The following CCNL1 variants were observed in gnomAD, a reference collection of about 807,000 sequenced individuals.
The protein encoded by CCNL1 is cyclin L1, also known as cyclin-L1.
In CCNL1, 13 loss-of-function variants were observed where a neutral mutation model predicts 60.6. The ratio of observed to expected loss-of-function variants is 0.21; its 90% CI spans 0.14 to 0.34. CCNL1 has a LOEUF of 0.34. Ranked by LOEUF, CCNL1 falls within the 10% of genes least tolerant of loss-of-function variation. CCNL1 has a pLI of 1.00. For synonymous variants in CCNL1, 270 were observed against 244.3 expected (o/e 1.10, Z -0.98); for missense variants, 481 against 664.3 (o/e 0.72, Z 3.03).
Position 157,147,985 on chromosome 3 carries a change from A to G in CCNL1, c.*256T>C. On this transcript the variant is annotated 3_prime_UTR_variant, in exon 11 of 11. Transcript: ENST00000295926. Reference sequence around the variant, plus strand: ...TTCACGCTCCAGTTCTTATAGCAATAAACAATACACAACTATAATAAAGTA... The same window carrying G: ...TTCACGCTCCAGTTCTTATAGCAATGAACAATACACAACTATAATAAAGTA... 8.2e-7 allele frequency: 1 copy of G among 1,217,498 alleles called. No homozygotes were observed. The allele number at this position is 1,217,498 out of a possible 1,614,324, so 75.4% of individuals were successfully genotyped here.
At chr3:157,143,551 A>ATCC (rs1737703519), downstream of CCNL1, among the ~76,000 whole-genome samples, 3 of 152,246 alleles carry the variant, frequency 2.0e-5, no homozygotes, top group Admixed American at 2.0e-4. Flanking sequence ...TAATGAATAA[A>ATCC]CTACAGAGCT....
In CCNL1 at chr3:157,149,400, G is replaced by A. The variant is rs1432016304; in HGVS notation, c.1134-15C>T. The A allele has an allele frequency of 6.2e-7, 1 of 1,611,456 alleles. No individual in the cohort carries two copies. Among genetic ancestry groups the A allele is most frequent in the Non-Finnish European group, 8.5e-7 (1 of 1,177,690 alleles). Reference sequence around the variant, plus strand: ...CTTTTCTTACACTTCAAAAAATCATGACATATTAGTTACAAACTTAGTGTG... The same window carrying A: ...CTTTTCTTACACTTCAAAAAATCATAACATATTAGTTACAAACTTAGTGTG... On this transcript the variant is annotated splice_polypyrimidine_tract_variant and intron_variant, in intron 9 of 10. Coordinates refer to ENST00000295926, the MANE Select transcript of CCNL1 (RefSeq NM_020307.4).
intron 10 of CCNL1, 75 bp from the exon 11 acceptor site, chr3:157,148,664 G>A (rs1047984114): frequency 5.9e-5 from 79 of 1,331,260 alleles, no homozygotes; most frequent in Non-Finnish European, 2.1e-5. Flanking sequence ...GCTCATAACA[G>A]GTTCAAAACA....
intron 5 of CCNL1, 40 bp downstream of exon 5, chr3:157,152,137 G>A: frequency 6.3e-7 from 1 of 1,597,302 alleles, no homozygotes; most frequent in Non-Finnish European, 8.5e-7. Flanking sequence ...TTCTGCTTCT[G>A]TTTTCCTGGC....
downstream of CCNL1, among the ~76,000 whole-genome samples, chr3:157,145,204 G>A (rs1265927792): frequency 6.6e-6 from 1 of 152,022 alleles, no homozygotes; most frequent in Admixed American, 6.6e-5. Flanking sequence ...TGGGAGGCAA[G>A]GCAGGTGGAT....
chr3:157,150,853 A>G (rs1008131783), intron 5 of CCNL1: 2 of 986,562 alleles, frequency 2.0e-6, no homozygotes, highest in Non-Finnish European at 2.4e-6. Flanking sequence ...CATTTTCAGT[A>G]AGTACCAAGT....
At chr3:157,153,438 A>G in intron 3 of CCNL1, 1 of 315,288 alleles carries the variant, frequency 3.2e-6, no homozygotes, top group Non-Finnish European at 6.0e-6. Flanking sequence ...TTCTGCTTAT[A>G]TTCTAGGTGT....
chr3:157,159,865 G>A lies in CCNL1; in HGVS notation c.230C>T (p.Pro77Leu), dbSNP rs774679522. 3 of 1,588,648 alleles carry A rather than the reference G, an allele frequency of 1.9e-6. No homozygotes were observed. Among genetic ancestry groups the A allele is most frequent in the South Asian group, 1.1e-5 (1 of 87,594 alleles). Residue 77 changes from proline to leucine, a missense_variant, in exon 1 of 11, where the codon CCC (proline) becomes CTC (leucine). Pro to Leu is a moderately conservative substitution (Grantham distance 98). Around this residue, in one of 5 missense-constraint regions of CCNL1, gnomAD observed 130 missense variants for 174.5 expected, o/e 0.75. Transcript: ENST00000295926. Reference protein sequence around the residue: ...TPSMQDGLDLPSETDLRILGC... With the variant: ...TPSMQDGLDLLSETDLRILGC... ...CAGGATGCGTAAGTCCGTCTCACTG[G>A]GCAGGTCGAGCCCATCCTGCATGGA...
At chr3:157,146,490 T>G (rs2108104275), downstream of CCNL1, 5 of 448,184 alleles carry the variant, frequency 1.1e-5, no homozygotes, top group South Asian at 7.9e-5. Context: ...AAGCAAAGAT[T>G]AGGGACATAA....
downstream of CCNL1, among the ~76,000 whole-genome samples, chr3:157,145,593 A>AC (rs554521648): frequency 2.1e-3 from 316 of 152,282 alleles, 3 homozygotes; most frequent in African/African-American, 7.3e-3. Context: ...AAAAACAGAT[A>AC]CAAAAGCCAG....
intron 10 of CCNL1, chr3:157,148,931 C>A: frequency 3.0e-6 from 1 of 330,266 alleles, no homozygotes; most frequent in Non-Finnish European, 5.5e-6. Flanking sequence ...AAAGAAGATT[C>A]ATTGACTGGT....
rs1390652846 is a variant in CCNL1, at chr3:157,151,600, A to T, written c.674+577T>A. The T allele has an allele frequency of 5.1e-6, 5 of 987,454 alleles. No homozygotes were observed. The African/African-American group carries it at 8.7e-5, about 17-fold the overall frequency. The allele number at this position is 987,454 out of a possible 1,614,324, so 61.2% of individuals were successfully genotyped here. A position where few individuals can be genotyped will look rare whatever the true frequency, so the allele number is the denominator to read the frequency against. ...TATTCATGCTATACACACTAAAAAT[A>T]AAAATTTAGTCAAACTCCTAATAAA... On this transcript the variant is annotated intron_variant, in intron 5 of 10. Transcript: ENST00000295926.
chr3:157,144,763 G>A (rs1256666530), downstream of CCNL1, among the ~76,000 whole-genome samples: 2 of 152,132 alleles, frequency 1.3e-5, no homozygotes, highest in Admixed American at 6.5e-5. Flanking sequence ...ATATGTCCAT[G>A]CTTTTAACTT....
At position 157,152,743 on chromosome 3, in the gene CCNL1, C is replaced by A. The variant is rs1368208750; in HGVS notation, c.609+293G>T. ...CACATTTATTCCTTGGAATGAGGAA[C>A]TTTACATCTCTGTTTTCTAGGTGGA... On this transcript the variant is annotated intron_variant, in intron 4 of 10. Coordinates refer to ENST00000295926, the MANE Select transcript of CCNL1 (RefSeq NM_020307.4). 1.0e-5 allele frequency: 12 copies of A among 1,163,244 alleles called. No homozygotes were observed. The African/African-American group carries it at 1.3e-4, about 13-fold the overall frequency. 72.1% of individuals were successfully genotyped at this position (1,163,244 alleles called of 1,614,324 possible). A position where few individuals can be genotyped will look rare whatever the true frequency, so the allele number is the denominator to read the frequency against.
intron 2 of CCNL1, chr3:157,159,180 G>A: frequency 1.6e-6 from 1 of 630,510 alleles, no homozygotes; most frequent in South Asian, 2.0e-5. Flanking sequence ...TCTTACAGGA[G>A]TTCTGCATTT....
Position 157,159,920 on chromosome 3 carries a change from T to G in CCNL1, c.175A>C (p.Ile59Leu). The G allele has an allele frequency of 6.2e-7, 1 of 1,607,070 alleles. No homozygotes were observed. Among genetic ancestry groups the G allele is most frequent in the Non-Finnish European group, 8.5e-7 (1 of 1,176,748 alleles). ...GTGGGCGAGAGCCTCTCCTCCGGAA[T>G]CAGAGAGTGGTCGATGGTAAGTGAA... ...EVSLTIDHSLIPEERLSPTPS... is the reference protein window; with the variant it reads ...EVSLTIDHSLLPEERLSPTPS... The change falls in exon 1 of 11, where the codon ATT becomes CTT. Residue 59 changes from isoleucine (I) to leucine (L), a missense_variant. By Grantham distance (5) the Ile-to-Leu change is conservative (BLOSUM62 2). Transcript: ENST00000295926.
At chr3:157,159,531 A>C in intron 1 of CCNL1, 52 bp from the exon 2 acceptor site, 1 of 1,516,732 alleles carries the variant, frequency 6.6e-7, no homozygotes, top group Non-Finnish European at 9.1e-7. Flanking sequence ...GGCCCGCTCC[A>C]GGCGCCGCCG....
At chr3:157,155,347 A>C (rs114434956) in intron 3 of CCNL1, among the ~76,000 whole-genome samples, 1,648 of 152,292 alleles carry the variant, frequency 0.011, 26 homozygotes, top group African/African-American at 0.037. Context: ...TACACTAAAG[A>C]AGCTAAATAT....
chr3:157,143,235 TCAAA>T (rs1737697889), downstream of CCNL1, among the ~76,000 whole-genome samples: 3 of 152,302 alleles, frequency 2.0e-5, no homozygotes, highest in Admixed American at 1.3e-4. Context: ...ATTGTACAAC[TCAAA>T]CAAAATACAT....
Sources: gnomAD v4.1 joint callset for allele counts (sites outside exome capture counted in the v4.1 genomes callset) on GRCh38, gnomAD v4.1.1 for gene constraint, gnomAD v4.1.1 regional missense constraint, MANE v1.5 for transcripts, NCBI Gene and HGNC (gene_info 2026-07-23, HGNC 2026-07-21) for gene names.